Variants in NUDT14 observed in about 807,000 individuals in gnomAD.
NUDT14 encodes uridine diphosphate glucose pyrophosphatase NUDT14.
Under a neutral mutation model 17.5 loss-of-function variants are expected in NUDT14, and 22 were observed. The ratio of observed to expected loss-of-function variants is 1.26; its 90% CI spans 0.90 to 1.80. The LOEUF is 1.80. Ranked by LOEUF, NUDT14 falls within the 40% of genes most tolerant of loss-of-function variation. NUDT14 has a pLI of 0.00. For synonymous variants in NUDT14, 129 were observed against 125.8 expected (o/e 1.03, Z -0.17); for missense variants, 296 against 295.6 (o/e 1.00, Z -0.01).
At chr14:105,177,638 C>T in intron 2 of NUDT14, 54 bp downstream of exon 2, 1 of 1,567,704 alleles carries the variant, frequency 6.4e-7, no homozygotes, top group Non-Finnish European at 8.8e-7. Context: ...CCCAGTGTCC[C>T]CGTAGACATC....
In NUDT14 at chr14:105,176,937, C is replaced by T. The variant is rs374704051; in HGVS notation, c.190+26G>A. 10 of 1,608,198 alleles carry T rather than the reference C, an allele frequency of 6.2e-6. No individual in the cohort carries two copies. The African/African-American group carries it at 1.3e-4, about 22-fold the overall frequency. Reference sequence around the variant, plus strand: ...GGGACCTGAAGGTGACCCTGCAGATCCCCTTCCCACCCCAGCTGGCCTCAC... The same window carrying T: ...GGGACCTGAAGGTGACCCTGCAGATTCCCTTCCCACCCCAGCTGGCCTCAC... On this transcript the variant is annotated intron_variant, in intron 3 of 4. Coordinates refer to ENST00000392568, the MANE Select transcript of NUDT14 (RefSeq NM_177533.5).
At chr14:105,177,619 C>T (rs1595200677) in intron 2 of NUDT14, 73 bp downstream of exon 2, 14 of 1,430,312 alleles carry the variant, frequency 9.8e-6, no homozygotes, top group East Asian at 2.3e-5. Flanking sequence ...AGGGCACCTT[C>T]GCCCTGGGCC....
At chr14:105,175,914 TG>T in intron 4 of NUDT14, 3 of 1,209,676 alleles carry the variant, frequency 2.5e-6, no homozygotes, top group South Asian at 2.8e-5. Context: ...GCTCAGCTGG[TG>T]GGGGTGGGGG....
Position 105,176,771 on chromosome 14 carries a change from G to A in NUDT14, c.191C>T (p.Ala64Val). Residue 64 changes from alanine to valine, a missense_variant and splice_region_variant, in exon 4 of 5, where the codon GCT (alanine) becomes GTT (valine). Transcript: ENST00000392568. ...GCGCTCCACCTCACCCGCATACACA[G>A]CTGCGTGGGAAGAAGCCAGACTGTG... The part of the protein sequence containing the change: ...SLVLVKQFRP[A>V]VYAGEVERRF... 1 of 1,611,520 alleles carries A rather than the reference G, an allele frequency of 6.2e-7. No individual in the cohort carries two copies. The highest frequency in any genetic ancestry group is 8.5e-7 in the Non-Finnish European group (1 of 1,179,308).
Position 105,176,990 on chromosome 14 carries a change from GGCTCCTCCGA to G in NUDT14, c.153_162del (p.Arg52TrpfsTer4), listed in dbSNP as rs777376569. 3 of 1,612,010 alleles carry G rather than the reference GGCTCCTCCGA, an allele frequency of 1.9e-6. No homozygotes were observed. Among genetic ancestry groups the G allele is most frequent in the Admixed American group, 1.7e-5 (1 of 59,962 alleles). On this transcript the variant is annotated frameshift_variant, in exon 3 of 5. Transcript: ENST00000392568. LOFTEE classifies it high-confidence loss of function. ...GGCCGGAACTGCTTCACCAACACCAGGCTCCTCCGAGAAGAGTTGAATAAGAGAACGGTCA... is the reference window on the plus strand; with the variant it reads ...GGCCGGAACTGCTTCACCAACACCAGGAAGAGTTGAATAAGAGAACGGTCA...
chr14:105,176,811 G>T (rs1297536737), intron 3 of NUDT14, 40 bp from the exon 4 acceptor site: 3 of 1,595,528 alleles, frequency 1.9e-6, no homozygotes, highest in Non-Finnish European at 2.6e-6. Context: ...CAGCCACGTG[G>T]TGGCCACCTC....
rs1889230707 is a variant in NUDT14 at position 105,177,045 on chromosome 14, G to A, written c.126-18C>T. The A allele has an allele frequency of 6.2e-7, 1 of 1,609,478 alleles. No homozygotes were observed. Among genetic ancestry groups the A allele is most frequent in the South Asian group, 1.1e-5 (1 of 90,584 alleles). ...CGGTCACGCTGTGTACGGGGGGAGG[G>A]GCTCAGCACAGAAGCACTCCACTGG... On this transcript the variant is annotated intron_variant, in intron 2 of 4. Transcript: ENST00000392568.
At chr14:105,176,181 A>G (rs1490192924) in intron 4 of NUDT14, among the ~76,000 whole-genome samples, 1 of 152,048 alleles carries the variant, frequency 6.6e-6, no homozygotes, top group African/African-American at 2.4e-5. Flanking sequence ...CTTCTCCCTC[A>G]TTCCTAAGCC....
chr14:105,181,195 C>T lies in NUDT14; in HGVS notation c.15G>A (p.Glu5=), dbSNP rs1441953685. The T allele has an allele frequency of 3.2e-5, 37 of 1,174,190 alleles. No homozygotes were observed. In the South Asian group the frequency reaches 4.1e-4, roughly 13 times the overall value. The allele number at this position is 1,174,190 out of a possible 1,614,324, so 72.7% of individuals were successfully genotyped here. The stretch of plus-strand genomic sequence containing the variant: ...CGGCGCAGCGGCCCACGGACGCCCC[C>T]TCGATGCGCTCCATGGCGGCGCCCG... MERI[E]GASVGRCAAS... is the part of the protein sequence containing the mutation. The change falls in exon 1 of 5, where the codon GAG becomes GAA. Residue 5 remains glutamate (E), a synonymous_variant. Transcript: ENST00000392568. The surrounding 1 kb of genome is among the most constrained non-coding windows in gnomAD (Gnocchi z 5.0).
chr14:105,180,525 G>C (rs1889304285), intron 1 of NUDT14, among the ~76,000 whole-genome samples: 1 of 152,214 alleles, frequency 6.6e-6, no homozygotes, highest in South Asian at 2.1e-4. Flanking sequence ...TGCTAAGTGA[G>C]GCAATACAGC....
chr14:105,176,395 A>T, intron 4 of NUDT14, 139 bp downstream of exon 4: 1 of 752,686 alleles, frequency 1.3e-6, no homozygotes, highest in South Asian at 1.7e-5. Flanking sequence ...GCTGAGGCGC[A>T]TTCGGTCCAA....
intron 4 of NUDT14, chr14:105,176,305 TG>T: frequency 1.7e-6 from 1 of 591,762 alleles, no homozygotes; most frequent in Non-Finnish European, 3.0e-6. Context: ...CTCACACAGC[TG>T]GGGGCCGCAG....
intron 1 of NUDT14, among the ~76,000 whole-genome samples, chr14:105,178,187 G>A (rs965407485): frequency 2.6e-5 from 4 of 152,102 alleles, no homozygotes; most frequent in Admixed American, 6.5e-5. Context: ...CTGAACAGGT[G>A]GAGACGGGAG....
chr14:105,181,241 TCTGCG>T lies in NUDT14; in HGVS notation c.-37_-33del. The T allele has an allele frequency of 4.4e-6, 1 of 227,764 alleles. No homozygotes were observed. The highest frequency in any genetic ancestry group is 5.6e-6 in the Non-Finnish European group (1 of 179,896). The allele number at this position is 227,764 out of a possible 1,614,324, so 14.1% of individuals were successfully genotyped here. On this transcript the variant is annotated 5_prime_UTR_variant, in exon 1 of 5. Transcript: ENST00000392568. This position sits in a 1 kb window ranked among gnomAD's most constrained non-coding sequence, Gnocchi z 5.0. Reference sequence around the variant, plus strand: ...GCCCGGACAGGCGGGGGCCGCGAGCTCTGCGGGGGCCGACACGGGGCGGCGCCCTG... The same window carrying T: ...GCCCGGACAGGCGGGGGCCGCGAGCTGGGGCCGACACGGGGCGGCGCCCTG...
rs1566777790 is a variant in NUDT14, at chr14:105,176,946, AC to A, written c.190+16del. ...AGGTGACCCTGCAGATCCCCTTCCC[AC>A]CCCAGCTGGCCTCACCTGGCCGGAA... is the stretch of plus-strand genomic sequence containing the variant. On this transcript the variant is annotated intron_variant, in intron 3 of 4. Transcript: ENST00000392568. The A allele has an allele frequency of 6.2e-7, 1 of 1,608,984 alleles. No homozygotes were observed. Among genetic ancestry groups the A allele is most frequent in the Non-Finnish European group, 8.5e-7 (1 of 1,178,240 alleles).
In NUDT14 at chr14:105,181,289, G is replaced by C; in HGVS notation, c.-80C>G. 4.9e-6 allele frequency: 3 copies of C among 609,682 alleles called. No individual in the cohort carries two copies. Among genetic ancestry groups the C allele is most frequent in the Non-Finnish European group, 6.4e-6 (3 of 466,990 alleles). The allele number at this position is 609,682 out of a possible 1,614,324, so 37.8% of individuals were successfully genotyped here. A position where few individuals can be genotyped will look rare whatever the true frequency, so the allele number is the denominator to read the frequency against. ...GCGCCCTGTCCCGACAGGAGCCTTC[G>C]GGCGGGCGCGTGACCGCGGCTCTGA... On this transcript the variant is annotated 5_prime_UTR_variant, in exon 1 of 5. Coordinates refer to ENST00000392568, the MANE Select transcript of NUDT14 (RefSeq NM_177533.5). This position sits in a 1 kb window ranked among gnomAD's most constrained non-coding sequence, Gnocchi z 5.0.
chr14:105,176,774 G>C lies in NUDT14; in HGVS notation c.191-3C>G. Reference sequence around the variant, plus strand: ...CTCCACCTCACCCGCATACACAGCTGCGTGGGAAGAAGCCAGACTGTGCTC... The same window carrying C: ...CTCCACCTCACCCGCATACACAGCTCCGTGGGAAGAAGCCAGACTGTGCTC... On this transcript the variant is annotated splice_polypyrimidine_tract_variant and splice_region_variant and intron_variant, in intron 3 of 4. Coordinates refer to ENST00000392568, the MANE Select transcript of NUDT14 (RefSeq NM_177533.5). 1 of 1,611,260 alleles carries C rather than the reference G, an allele frequency of 6.2e-7. No homozygotes were observed. The highest frequency in any genetic ancestry group is 8.5e-7 in the Non-Finnish European group (1 of 1,179,142).
At chr14:105,177,260 C>T (rs1403981956) in intron 2 of NUDT14, 18 of 642,894 alleles carry the variant, frequency 2.8e-5, no homozygotes, top group Non-Finnish European at 4.2e-5. Context: ...GGATGGGAGG[C>T]GGGGGGCAGG....
In NUDT14 at chr14:105,181,261, G is replaced by T; in HGVS notation, c.-52C>A. ...CGAGCTCTGCGGGGGCCGACACGGG[G>T]CGGCGCCCTGTCCCGACAGGAGCCT... On this transcript the variant is annotated 5_prime_UTR_variant, in exon 1 of 5. Coordinates refer to ENST00000392568, the MANE Select transcript of NUDT14 (RefSeq NM_177533.5). This position sits in a 1 kb window ranked among gnomAD's most constrained non-coding sequence, Gnocchi z 5.0. 2.8e-6 allele frequency: 2 copies of T among 709,376 alleles called. No homozygotes were observed. Among genetic ancestry groups the T allele is most frequent in the Non-Finnish European group, 1.8e-6 (1 of 552,756 alleles). The allele number at this position is 709,376 out of a possible 1,614,324, so 43.9% of individuals were successfully genotyped here.
Sources: gnomAD v4.1 joint callset for allele counts (sites outside exome capture counted in the v4.1 genomes callset) on GRCh38, gnomAD v4.1.1 for gene constraint, Gnocchi (gnomAD v3.1) non-coding constraint, MANE v1.5 for transcripts, NCBI Gene and HGNC (gene_info 2026-07-23, HGNC 2026-07-21) for gene names.